The following CEP63 variants were observed in gnomAD, a reference collection of about 807,000 sequenced individuals.
CEP63 encodes the protein centrosomal protein of 63 kDa.
Under a neutral mutation model 89.1 loss-of-function variants are expected in CEP63, and 84 were observed. The observed-to-expected ratio is 0.94, with a 90% CI of 0.79 to 1.13. CEP63 has a LOEUF of 1.13. CEP63 is among the 50% of genes most tolerant of loss of function. The pLI, the probability that CEP63 is intolerant of heterozygous loss-of-function variation, is 0.00. For missense variants in CEP63, 838 were observed against 813.3 expected (o/e 1.03, Z -0.37); for synonymous variants, 267 against 272.5 (o/e 0.98, Z 0.20).
the CEP63 span, among the ~76,000 whole-genome samples, chr3:134,726,769 A>C: frequency 2.6e-5 from 4 of 152,120 alleles, no homozygotes; most frequent in African/African-American, 9.7e-5. Flanking sequence ...CCACAGCCCC[A>C]GCCTTCAGAG....
At chr3:134,725,288 G>C in the CEP63 span, among the ~76,000 whole-genome samples, 1 of 151,830 alleles carries the variant, frequency 6.6e-6, no homozygotes, top group African/African-American at 2.4e-5. Context: ...ACCTAATTTG[G>C]GATACAATTT....
the CEP63 span, among the ~76,000 whole-genome samples, chr3:134,690,799 A>T: frequency 7.1e-6 from 1 of 141,044 alleles, no homozygotes; most frequent in Non-Finnish European, 1.5e-5. Flanking sequence ...CCCAGGCTGG[A>T]GTGCAACAGT....
the CEP63 span, among the ~76,000 whole-genome samples, chr3:134,754,454 C>T: frequency 6.6e-6 from 1 of 152,160 alleles, no homozygotes; most frequent in Admixed American, 6.5e-5. Context: ...TTCACAACTC[C>T]CTTCCTTTAT....
the CEP63 span, among the ~76,000 whole-genome samples, chr3:134,711,656 T>C: frequency 1.3e-5 from 2 of 152,186 alleles, no homozygotes; most frequent in African/African-American, 2.4e-5. Context: ...TTAAATATCG[T>C]ATTTCCTTCT....
the CEP63 span, among the ~76,000 whole-genome samples, chr3:134,656,624 C>T: frequency 6.6e-6 from 1 of 152,292 alleles, no homozygotes; most frequent in East Asian, 1.9e-4. Flanking sequence ...AGTCAAGCAC[C>T]ACATACAGAT....
chr3:134,594,376 C>T, the CEP63 span, among the ~76,000 whole-genome samples: 1 of 152,194 alleles, frequency 6.6e-6, no homozygotes, highest in Non-Finnish European at 1.5e-5. Flanking sequence ...CTGCCTTGGT[C>T]CCTGCACAGC....
the CEP63 span, among the ~76,000 whole-genome samples, chr3:134,773,437 C>A: frequency 6.6e-6 from 1 of 152,140 alleles, no homozygotes; most frequent in Non-Finnish European, 1.5e-5. Flanking sequence ...GAAATGAAGT[C>A]TATTTTGAGC....
the CEP63 span, chr3:134,651,149 T>A: frequency 2.8e-6 from 4 of 1,451,202 alleles, no homozygotes; most frequent in Non-Finnish European, 3.6e-6. Flanking sequence ...AGGGCCCGCC[T>A]GGGAGGGCGC....
the CEP63 span, chr3:134,650,693 A>C: frequency 1.2e-6 from 1 of 811,690 alleles, no homozygotes; most frequent in Middle Eastern, 3.8e-4. Flanking sequence ...AAGCGACGGC[A>C]GCCATGGGGG....
chr3:134,534,187 A>G (rs1319799406), intron 5 of CEP63, among the ~76,000 whole-genome samples: 1 of 152,164 alleles, frequency 6.6e-6, no homozygotes, highest in East Asian at 1.9e-4. Flanking sequence ...TCTCTCTGAC[A>G]TTACTCTTAT....
chr3:134,782,145 A>G, the CEP63 span, among the ~76,000 whole-genome samples: 1 of 152,224 alleles, frequency 6.6e-6, no homozygotes, highest in African/African-American at 2.4e-5. Context: ...GATCATATAT[A>G]TGTTTTGTCC....
chr3:134,651,188 T>C, the CEP63 span: 35 of 1,361,828 alleles, frequency 2.6e-5, no homozygotes, highest in Non-Finnish European at 3.3e-5. Context: ...CTAAGTCACC[T>C]TTGAAAGGAA....
the CEP63 span, among the ~76,000 whole-genome samples, chr3:134,721,262 AT>A: frequency 1.3e-5 from 2 of 151,514 alleles, no homozygotes; most frequent in African/African-American, 4.9e-5. Context: ...TTTAAAAAAA[AT>A]TCTGATTTTG....
At chr3:134,696,132 C>T in the CEP63 span, among the ~76,000 whole-genome samples, 17 of 152,182 alleles carry the variant, frequency 1.1e-4, no homozygotes, top group Non-Finnish European at 2.2e-4. Context: ...GTTAGTCTAC[C>T]TTGCCACCCT....
the CEP63 span, among the ~76,000 whole-genome samples, chr3:134,752,111 A>G: frequency 3.9e-5 from 6 of 152,242 alleles, no homozygotes; most frequent in African/African-American, 1.4e-4. Flanking sequence ...AAGAGGGCCA[A>G]GAGGGACATC....
the CEP63 span, among the ~76,000 whole-genome samples, chr3:134,738,635 C>A: frequency 6.6e-6 from 1 of 151,366 alleles, no homozygotes; most frequent in African/African-American, 2.4e-5. Flanking sequence ...TGGGAGGGGG[C>A]AAGGGATAAA....
At chr3:134,658,939 C>A in the CEP63 span, among the ~76,000 whole-genome samples, 1 of 152,294 alleles carries the variant, frequency 6.6e-6, no homozygotes, top group South Asian at 2.1e-4. Context: ...TCAGCCACTC[C>A]CTTTCTCAAA....
At chr3:134,508,197 T>C (rs1452868719) in intron 3 of CEP63, among the ~76,000 whole-genome samples, 2 of 152,224 alleles carry the variant, frequency 1.3e-5, no homozygotes, top group Non-Finnish European at 2.9e-5. Context: ...AAAAATGTTA[T>C]TATGCTTACC....
chr3:134,522,737 A>G (rs1225464773), intron 3 of CEP63, among the ~76,000 whole-genome samples: 2 of 152,052 alleles, frequency 1.3e-5, no homozygotes, highest in Non-Finnish European at 2.9e-5. Context: ...CCTGCAAAAG[A>G]CGTGATCTCA....
Sources: allele counts gnomAD v4.1 joint callset (sites outside exome capture counted in the v4.1 genomes callset), GRCh38; gene constraint gnomAD v4.1.1; transcripts MANE v1.5; gene names NCBI Gene and HGNC (gene_info 2026-07-23, HGNC 2026-07-21).